Variants in PPP2R2B observed in about 807,000 individuals in gnomAD.
PPP2R2B encodes the protein serine/threonine-protein phosphatase 2A 55 kDa regulatory subunit B beta isoform.
Under a neutral mutation model 46.0 loss-of-function variants are expected in PPP2R2B, and 5 were observed. That is an observed-to-expected ratio of 0.11 (90% CI 0.06 to 0.23). The LOEUF (loss-of-function observed/expected upper bound fraction) is 0.23. PPP2R2B is among the 10% of genes least tolerant of loss of function. PPP2R2B has a pLI of 1.00. For synonymous variants in PPP2R2B, 215 were observed against 206.7 expected, an observed-to-expected ratio of 1.04 and a Z score of -0.34; for missense variants, 367 against 575.0, an observed-to-expected ratio of 0.64 and a Z score of 3.70.
intron 1 of PPP2R2B, among the ~76,000 whole-genome samples, chr5:146,940,233 A>C (rs1764277804): frequency 6.6e-6 from 1 of 152,164 alleles, no homozygotes; most frequent in Non-Finnish European, 1.5e-5. Flanking sequence ...ATAGAGCTAC[A>C]AGTCTCAGAG....
chr5:146,632,888 G>C (rs527563335), intron 7 of PPP2R2B, among the ~76,000 whole-genome samples: 38 of 152,276 alleles, frequency 2.5e-4, no homozygotes, highest in African/African-American at 8.9e-4. Context: ...CAGGCTACAG[G>C]GAGCTGAGCC....
In PPP2R2B at chr5:146,681,234, A is replaced by T. The variant is rs115904355; in HGVS notation, c.447+9894T>A. ...TACTGATTTCAAATTAGTTCTTTGC[A>T]TAACCTAGTAGCAAAAAGGGATCTA... is the stretch of plus-strand genomic sequence containing the variant. On this transcript the variant is annotated intron_variant, in intron 5 of 9. Transcript: ENST00000394411. Among the ~76,000 whole-genome samples, 695 of 152,342 alleles carry T rather than the reference A, an allele frequency of 4.6e-3. 6 individuals carry two copies. Among genetic ancestry groups the T allele is most frequent in the African/African-American group, 0.016 (669 of 41,588 alleles).
chr5:147,035,335 A>T (rs1755985319), intron 1 of PPP2R2B: 1 of 308,400 alleles, frequency 3.2e-6, no homozygotes, highest in African/African-American at 2.3e-5. Flanking sequence ...TCACGAGAAC[A>T]GCAAGGGGGA....
intron 1 of PPP2R2B, among the ~76,000 whole-genome samples, chr5:146,933,673 TAA>T (rs1764041770): frequency 6.6e-6 from 1 of 151,578 alleles, no homozygotes; most frequent in Non-Finnish European, 1.5e-5. Context: ...TTTTTTTTTT[TAA>T]GTTTTTTTTT....
intron 2 of PPP2R2B, among the ~76,000 whole-genome samples, chr5:146,809,690 T>G (rs1395546437): frequency 6.6e-6 from 1 of 152,110 alleles, no homozygotes; most frequent in African/African-American, 2.4e-5. Context: ...GAGGTGAGTC[T>G]TGGTAAGGCG....
Position 146,589,125 on chromosome 5 carries a change from A to G in PPP2R2B, c.*822T>C, listed in dbSNP as rs1369590987. The stretch of plus-strand genomic sequence containing the variant: ...AAGGTTGAAGAGAAAAAAGCCAAGG[A>G]ACATGTAAGTAGAAGATTATATGGA... On this transcript the variant is annotated 3_prime_UTR_variant, in exon 10 of 10. Transcript: ENST00000394411. The G allele has an allele frequency of 1.3e-5, 2 of 152,280 alleles. No homozygotes were observed. Among genetic ancestry groups the G allele is most frequent in the Non-Finnish European group, 2.9e-5 (2 of 68,082 alleles). 9.4% of individuals were successfully genotyped at this position (152,280 alleles called of 1,614,324 possible). A position where few individuals can be genotyped will look rare whatever the true frequency, so the allele number is the denominator to read the frequency against.
chr5:146,964,602 T>G (rs998832790), intron 1 of PPP2R2B, among the ~76,000 whole-genome samples: 1 of 152,268 alleles, frequency 6.6e-6, no homozygotes, highest in Non-Finnish European at 1.5e-5. Context: ...CTTGGCTCAC[T>G]GCAAGCTTTG....
chr5:146,823,038 G>C (rs1279743268), intron 2 of PPP2R2B, among the ~76,000 whole-genome samples: 1 of 152,126 alleles, frequency 6.6e-6, no homozygotes, highest in Non-Finnish European at 1.5e-5. Context: ...AAAAGGGACT[G>C]TTTGGAGACA....
chr5:146,756,793 T>C (rs185607222), intron 2 of PPP2R2B, among the ~76,000 whole-genome samples: 1 of 152,282 alleles, frequency 6.6e-6, no homozygotes, highest in African/African-American at 2.4e-5. Flanking sequence ...GACTGTTGTT[T>C]GTATGTGCAG....
chr5:146,928,021 T>C (rs2151819710), intron 1 of PPP2R2B, among the ~76,000 whole-genome samples: 1 of 152,304 alleles, frequency 6.6e-6, no homozygotes, highest in African/African-American at 2.4e-5. Context: ...ATTACAGGCC[T>C]GAGCCACCAC....
At chr5:147,053,121 G>T (rs1756909324) in intron 1 of PPP2R2B, among the ~76,000 whole-genome samples, 1 of 151,190 alleles carries the variant, frequency 6.6e-6, no homozygotes, top group South Asian at 2.1e-4. Context: ...TTTAAATGAG[G>T]AAACTAAGCC....
intron 1 of PPP2R2B, among the ~76,000 whole-genome samples, chr5:146,927,853 C>G (rs888498238): frequency 6.6e-6 from 1 of 151,884 alleles, no homozygotes; most frequent in Non-Finnish European, 1.5e-5. Flanking sequence ...CCTGCCTACT[C>G]TCTCCTGTTC....
chr5:147,015,936 T>C (rs1754985757), intron 1 of PPP2R2B, among the ~76,000 whole-genome samples: 1 of 151,492 alleles, frequency 6.6e-6, no homozygotes, highest in South Asian at 2.1e-4. Flanking sequence ...TATTTCCTGT[T>C]ACATTGTAAG....
intron 2 of PPP2R2B, among the ~76,000 whole-genome samples, chr5:146,817,898 A>G (rs1375379008): frequency 6.6e-6 from 1 of 152,246 alleles, no homozygotes; most frequent in Non-Finnish European, 1.5e-5. Flanking sequence ...TGGCTCCCAT[A>G]AAACACCATC....
chr5:146,862,261 A>G (rs1044536089), intron 2 of PPP2R2B, among the ~76,000 whole-genome samples: 2 of 152,222 alleles, frequency 1.3e-5, no homozygotes, highest in Non-Finnish European at 2.9e-5. Context: ...AAATGCTGTT[A>G]ATCTACTCTC....
intron 2 of PPP2R2B, among the ~76,000 whole-genome samples, chr5:146,794,327 C>A (rs1252635115): frequency 6.6e-6 from 1 of 152,158 alleles, no homozygotes; most frequent in African/African-American, 2.4e-5. Flanking sequence ...CTTTGCAGAG[C>A]AAATGGTAGG....
chr5:146,839,442 C>A (rs1759495608), intron 2 of PPP2R2B, among the ~76,000 whole-genome samples: 1 of 152,152 alleles, frequency 6.6e-6, no homozygotes, highest in African/African-American at 2.4e-5. Flanking sequence ...ATCGCTTGAG[C>A]CTGGGAGATG....
intron 1 of PPP2R2B, among the ~76,000 whole-genome samples, chr5:146,993,004 A>G (rs552700604): frequency 6.6e-6 from 1 of 152,248 alleles, no homozygotes; most frequent in Non-Finnish European, 1.5e-5. Context: ...GTGCAATGAC[A>G]TGATCTCGGC....
chr5:146,924,319 G>A (rs574461904), intron 1 of PPP2R2B, among the ~76,000 whole-genome samples: 4 of 152,298 alleles, frequency 2.6e-5, no homozygotes, highest in African/African-American at 9.6e-5. Context: ...CAACTGAAAA[G>A]CACAAAGTCA....
Sources: gnomAD v4.1 joint callset for allele counts (sites outside exome capture counted in the v4.1 genomes callset) on GRCh38, gnomAD v4.1.1 for gene constraint, MANE v1.5 for transcripts, NCBI Gene and HGNC (gene_info 2026-07-23, HGNC 2026-07-21) for gene names.